Variants in BLZF1 observed in about 807,000 individuals in gnomAD.
BLZF1 encodes the protein basic leucine zipper nuclear factor 1.
Under a neutral mutation model 43.8 loss-of-function variants are expected in BLZF1, and 39 were observed. The observed-to-expected ratio is 0.89, with a 90% CI of 0.69 to 1.16. BLZF1 has a LOEUF of 1.16. Ranked by LOEUF, BLZF1 falls within the 50% of genes most tolerant of loss-of-function variation. The probability of loss-of-function intolerance (pLI) is 0.00; values close to 1 mark genes in which losing one functional copy is unlikely to be tolerated. For synonymous variants in BLZF1, 136 were observed against 159.4 expected, an observed-to-expected ratio of 0.85 and a Z score of 1.11; for missense variants, 449 against 469.8, an observed-to-expected ratio of 0.96 and a Z score of 0.41.
Position 169,382,259 on chromosome 1 carries a change from C to A in BLZF1, c.995C>A (p.Pro332Gln). The A allele has an allele frequency of 6.2e-7, 1 of 1,613,528 alleles. No homozygotes were observed. The highest frequency in any genetic ancestry group is 8.5e-7 in the Non-Finnish European group (1 of 1,179,578). Reference protein sequence around the residue: ...IPSTVEFCSTPAEKMAETVLR... With the variant: ...IPSTVEFCSTQAEKMAETVLR... ...TCAACAGTTGAATTCTGCAGCACCC[C>A]AGCTGAGAAAATGGCTGAAACGGTA... Residue 332 changes from proline to glutamine, a missense_variant, in exon 6 of 7, where the codon CCA becomes CAA. Physicochemically the swap from Pro to Gln is moderately conservative, Grantham distance 76 (BLOSUM62 -1). Coordinates refer to ENST00000367808, the MANE Select transcript of BLZF1 (RefSeq NM_001320973.2).
downstream of BLZF1, among the ~76,000 whole-genome samples, chr1:169,390,049 C>G (rs1654781030): frequency 6.6e-6 from 1 of 152,062 alleles, no homozygotes. Flanking sequence ...CAATGTCAGT[C>G]TACTTAATGC....
intron 2 of BLZF1, among the ~76,000 whole-genome samples, chr1:169,375,743 G>A (rs891910274): frequency 6.6e-6 from 1 of 151,110 alleles, no homozygotes; most frequent in Non-Finnish European, 1.5e-5. Flanking sequence ...TGATCTGTGT[G>A]CTCGTCTTTT....
chr1:169,380,424 T>G, intron 4 of BLZF1, 57 bp from the exon 5 acceptor site: 1 of 1,505,706 alleles, frequency 6.6e-7, no homozygotes, highest in South Asian at 1.3e-5. Flanking sequence ...GTATATTCAA[T>G]TTTTTACACT....
Position 169,387,277 on chromosome 1 carries a change from A to G in BLZF1, c.*95A>G, listed in dbSNP as rs1654704889. The stretch of plus-strand genomic sequence containing the variant: ...GGGTTCTTACAATGCTAGAAATAAT[A>G]TCACTTCCTATTTACATAATGTATA... On this transcript the variant is annotated 3_prime_UTR_variant, in exon 7 of 7. Transcript: ENST00000367808. 2 of 1,093,836 alleles carry G rather than the reference A, an allele frequency of 1.8e-6. No individual in the cohort carries two copies. The highest frequency in any genetic ancestry group is 2.7e-5 in the Admixed American group (1 of 36,404). The allele number at this position is 1,093,836 out of a possible 1,614,324, so 67.8% of individuals were successfully genotyped here. A position where few individuals can be genotyped will look rare whatever the true frequency, so the allele number is the denominator to read the frequency against.
chr1:169,373,411 T>G (rs898642578), intron 2 of BLZF1, among the ~76,000 whole-genome samples: 3 of 152,186 alleles, frequency 2.0e-5, no homozygotes, highest in African/African-American at 7.2e-5. Flanking sequence ...GAGAAGGTAA[T>G]TATTCGTAAA....
At chr1:169,390,704 T>G (rs1000232080), downstream of BLZF1, among the ~76,000 whole-genome samples, 1 of 152,110 alleles carries the variant, frequency 6.6e-6, no homozygotes, top group Non-Finnish European at 1.5e-5. Context: ...TAAAAAAAAT[T>G]TTTTTTCCCA....
chr1:169,393,835 C>G (rs1165383579), intron 7 of BLZF1, among the ~76,000 whole-genome samples: 1 of 152,106 alleles, frequency 6.6e-6, no homozygotes, highest in Non-Finnish European at 1.5e-5. Flanking sequence ...CTCCTGGCCT[C>G]AAGTGATCCT....
chr1:169,378,259 T>C (rs1396084257), intron 3 of BLZF1, 71 bp from the exon 4 acceptor site: 3 of 1,434,400 alleles, frequency 2.1e-6, no homozygotes, highest in East Asian at 4.6e-5. Flanking sequence ...CAGTCTCTTT[T>C]TGTTAATTTT....
intron 5 of BLZF1, 27 bp downstream of exon 5, chr1:169,380,636 T>C: frequency 1.2e-6 from 2 of 1,600,948 alleles, no homozygotes; most frequent in South Asian, 2.2e-5. Flanking sequence ...CATTCTGAAC[T>C]CTTCTGCTTT....
At chr1:169,378,121 G>A (rs1654420013) in intron 3 of BLZF1, among the ~76,000 whole-genome samples, 1 of 151,762 alleles carries the variant, frequency 6.6e-6, no homozygotes, top group Admixed American at 6.6e-5. Context: ...TTACCACATG[G>A]ACTGTGGATA....
At chr1:169,380,444 T>C in intron 4 of BLZF1, 37 bp from the exon 5 acceptor site, 1 of 1,594,036 alleles carries the variant, frequency 6.3e-7, no homozygotes, top group East Asian at 2.2e-5. Context: ...TGTATTATTG[T>C]CAGCAAATTT....
chr1:169,377,158 T>C lies in BLZF1; in HGVS notation c.468+179T>C, dbSNP rs987953989. 8.6e-5 allele frequency: 54 copies of C among 625,482 alleles called. 1 individual carries two copies. In the South Asian group the frequency reaches 1.0e-3, roughly 12 times the overall value. 38.7% of individuals were successfully genotyped at this position (625,482 alleles called of 1,614,324 possible). On this transcript the variant is annotated intron_variant, in intron 3 of 6. Coordinates refer to ENST00000367808, the MANE Select transcript of BLZF1 (RefSeq NM_001320973.2). The stretch of plus-strand genomic sequence containing the variant: ...CTCAGTTCTCTAGGGATACTTTATA[T>C]TGGGAACTTATACTCTAAACCTCAT...
At chr1:169,395,393 G>T (rs555312199) in intron 7 of BLZF1, among the ~76,000 whole-genome samples, 69 of 152,198 alleles carry the variant, frequency 4.5e-4, no homozygotes, top group Non-Finnish European at 9.0e-4. Flanking sequence ...AGAAAGGACC[G>T]TTAGATTTGG....
downstream of BLZF1, among the ~76,000 whole-genome samples, chr1:169,391,277 T>A (rs1654807940): frequency 6.6e-6 from 1 of 152,192 alleles, no homozygotes; most frequent in African/African-American, 2.4e-5. Context: ...ACCCTTTGAG[T>A]TCGTCCGCTC....
intron 2 of BLZF1, among the ~76,000 whole-genome samples, chr1:169,374,306 G>A (rs1465289607): frequency 1.3e-5 from 2 of 152,088 alleles, no homozygotes; most frequent in African/African-American, 4.8e-5. Flanking sequence ...AGGATCACCT[G>A]AGCCCAGGAA....
Position 169,382,092 on chromosome 1 carries a change from A to G in BLZF1, c.828A>G (p.Gln276=), listed in dbSNP as rs758977043. 3.7e-6 allele frequency: 6 copies of G among 1,613,660 alleles called. No homozygotes were observed. The highest frequency in any genetic ancestry group is 1.1e-5 in the South Asian group (1 of 91,058). The change falls in exon 6 of 7, where the codon CAA becomes CAG. Residue 276 remains glutamine, a synonymous_variant. Transcript: ENST00000367808. ...TGGAGGAGCTCTTAGTTTCCTTGCAATGGGGAAGAGAGCAAACTTACTCCC... is the reference window on the plus strand; with the variant it reads ...TGGAGGAGCTCTTAGTTTCCTTGCAGTGGGGAAGAGAGCAAACTTACTCCC... ...KLLEELLVSL[Q]WGREQTYSPS...
At chr1:169,368,555 C>A (rs966506570) in intron 1 of BLZF1, among the ~76,000 whole-genome samples, 2 of 152,154 alleles carry the variant, frequency 1.3e-5, no homozygotes. Flanking sequence ...TGCTCACTCC[C>A]CCTACTTACT....
At chr1:169,372,812 T>G (rs532053362) in intron 2 of BLZF1, among the ~76,000 whole-genome samples, 191 of 152,226 alleles carry the variant, frequency 1.3e-3, no homozygotes, top group Non-Finnish European at 2.0e-3. Context: ...AAATTTTTTT[T>G]TGCCTCAATA....
chr1:169,379,104 C>T (rs1161489313), intron 4 of BLZF1, among the ~76,000 whole-genome samples: 2 of 151,834 alleles, frequency 1.3e-5, no homozygotes, highest in Non-Finnish European at 2.9e-5. Flanking sequence ...GTCTATTTAT[C>T]CCCTCCCTGC....
Sources: gnomAD v4.1 joint callset for allele counts (sites outside exome capture counted in the v4.1 genomes callset) on GRCh38, gnomAD v4.1.1 for gene constraint, MANE v1.5 for transcripts, NCBI Gene and HGNC (gene_info 2026-07-23, HGNC 2026-07-21) for gene names.